Variants in PCDH15 observed in about 807,000 individuals in gnomAD.
PCDH15 encodes the protein protocadherin related 15, also known as protocadherin-15.
A neutral mutation model predicts 178.5 loss-of-function variants in PCDH15; 129 were observed. The ratio of observed to expected loss-of-function variants is 0.72; its 90% confidence interval spans 0.63 to 0.84. The LOEUF is 0.84. Among genes scored for constraint, PCDH15 ranks in the 40% least tolerant of loss-of-function variants. The pLI, the probability that PCDH15 is intolerant of heterozygous loss-of-function variation, is 0.00. For synonymous variants in PCDH15, 800 were observed against 732.0 expected (o/e 1.09, Z -1.50); for missense variants, 2,230 against 2,099.9 (o/e 1.06, Z -1.21).
rs11003877 is a variant in PCDH15 at position 53,834,963 on chromosome 10, G to A, written c.3984-3430C>T. Among the ~76,000 whole-genome samples the A allele has an allele frequency of 3.5e-3, 533 of 152,248 alleles. 3 individuals are homozygous for A. Among genetic ancestry groups the A allele is most frequent in the Non-Finnish European group, 6.4e-3 (434 of 68,002 alleles). Reference sequence around the variant, plus strand: ...TCCTTTGTAGGTACACAATTTAGGCGTACAGAGTGGGCAGTGGTTAACATA... The same window carrying A: ...TCCTTTGTAGGTACACAATTTAGGCATACAGAGTGGGCAGTGGTTAACATA... On this transcript the variant is annotated intron_variant, in intron 29 of 37. Coordinates refer to ENST00000644397, the MANE Select transcript of PCDH15 (RefSeq NM_001384140.1).
intron 37 of PCDH15, chr10:53,809,411 G>A (rs2075784478): frequency 6.2e-7 from 1 of 1,613,744 alleles, no homozygotes; most frequent in Admixed American, 1.7e-5. Flanking sequence ...AAAATCATGG[G>A]GAATATTCTG....
chr10:55,077,807 A>G lies in PCDH15; in HGVS notation c.-80+88769T>C, dbSNP rs544422134. ...GGTGATCCACCTGGCTTGGCCTCTC[A>G]AAGTGCTAGGATTACAGGCGTGAGC... On this transcript the variant is annotated intron_variant, in intron 2 of 5. Transcript: ENST00000458638. 2.5e-4 allele frequency among the ~76,000 whole-genome samples: 38 copies of G among 152,246 alleles called. No homozygotes were observed. In the East Asian group the frequency reaches 5.6e-3, roughly 22 times the overall value.
intron 2 of PCDH15, among the ~76,000 whole-genome samples, chr10:54,946,101 T>A (rs1273891621): frequency 6.6e-6 from 1 of 151,838 alleles, no homozygotes; most frequent in Non-Finnish European, 1.5e-5. Flanking sequence ...ACTATTTTGG[T>A]CAGATTAGAA....
intron 1 of PCDH15, among the ~76,000 whole-genome samples, chr10:54,698,186 C>T (rs112245544): frequency 0.019 from 2,951 of 152,184 alleles, 87 homozygotes; most frequent in African/African-American, 0.065. Context: ...AAATCACAGG[C>T]AAATTGCTTT....
intron 25 of PCDH15, among the ~76,000 whole-genome samples, chr10:53,927,005 AAAT>A (rs1462945930): frequency 6.6e-6 from 1 of 152,214 alleles, no homozygotes; most frequent in South Asian, 2.1e-4. Flanking sequence ...TGTAGCACAA[AAAT>A]AATGTTTCAG....
chr10:54,152,301 A>G (rs924650109), intron 14 of PCDH15, among the ~76,000 whole-genome samples: 1 of 152,190 alleles, frequency 6.6e-6, no homozygotes, highest in Non-Finnish European at 1.5e-5. Flanking sequence ...GTTGAGTGTT[A>G]AATATTTCTC....
At chr10:55,431,968 G>A (rs1471007933) in intron 2 of PCDH15, among the ~76,000 whole-genome samples, 1 of 152,008 alleles carries the variant, frequency 6.6e-6, no homozygotes, top group African/African-American at 2.4e-5. Context: ...TAGGGAGATT[G>A]TAGTAAATAA....
intron 2 of PCDH15, among the ~76,000 whole-genome samples, chr10:55,504,783 C>T (rs1357271348): frequency 1.3e-5 from 2 of 151,212 alleles, no homozygotes; most frequent in African/African-American, 4.8e-5. Flanking sequence ...CATAATTCAA[C>T]AAATATTTTC....
rs1361596505 is a variant in PCDH15 at position 54,183,456 on chromosome 10, G to C, written c.1578C>G (p.Asp526Glu). Residue 526 changes from aspartate (D) to glutamate (E), a missense_variant, in exon 13 of 38, where the codon GAC becomes GAG. Asp to Glu is a conservative substitution (Grantham distance 45, BLOSUM62 2). Transcript: ENST00000644397. ...TGTGAGTAGTTACCTGTATGACACT[G>C]TCCCCAGGTCTCATGTCTGTATAAA... ...VYVYTDMRPGDSVIQLTAVDA... is the reference protein window; with the variant it reads ...VYVYTDMRPGESVIQLTAVDA... 1 of 1,612,382 alleles carries C rather than the reference G, an allele frequency of 6.2e-7. No individual in the cohort carries two copies. Among genetic ancestry groups the C allele is most frequent in the Non-Finnish European group, 8.5e-7 (1 of 1,178,624 alleles).
chr10:53,826,636 A>G (rs1381547307), intron 32 of PCDH15, among the ~76,000 whole-genome samples: 1 of 152,122 alleles, frequency 6.6e-6, no homozygotes, highest in Admixed American at 6.5e-5. Flanking sequence ...ACATCACCAT[A>G]AGGAATCCAA....
chr10:54,569,491 A>G (rs780377307), intron 2 of PCDH15, among the ~76,000 whole-genome samples: 2 of 152,182 alleles, frequency 1.3e-5, no homozygotes, highest in South Asian at 4.1e-4. Context: ...AGTACACAAA[A>G]GTCATTACTA....
chr10:53,879,444 T>C (rs2080528252), intron 26 of PCDH15, among the ~76,000 whole-genome samples: 1 of 152,146 alleles, frequency 6.6e-6, no homozygotes, highest in African/African-American at 2.4e-5. Flanking sequence ...TTTGGATTAA[T>C]GAAGACTAAT....
At chr10:53,982,375 G>A (rs1353094679) in intron 21 of PCDH15, among the ~76,000 whole-genome samples, 2 of 152,080 alleles carry the variant, frequency 1.3e-5, no homozygotes, top group East Asian at 3.9e-4. Context: ...GCACACGTAT[G>A]TTTATTGCGG....
At chr10:55,169,026 T>C (rs1339264177) in intron 1 of PCDH15, among the ~76,000 whole-genome samples, 1 of 152,178 alleles carries the variant, frequency 6.6e-6, no homozygotes, top group Non-Finnish European at 1.5e-5. Context: ...ATTTCACTTA[T>C]TGTGAATCTT....
intron 2 of PCDH15, among the ~76,000 whole-genome samples, chr10:55,147,768 C>T (rs907036156): frequency 4.0e-5 from 6 of 151,536 alleles, no homozygotes; most frequent in African/African-American, 4.8e-5. Flanking sequence ...CCAATTAACT[C>T]GTTATTTAGC....
chr10:54,305,104 T>G (rs1181682751), intron 8 of PCDH15, among the ~76,000 whole-genome samples: 1 of 152,126 alleles, frequency 6.6e-6, no homozygotes. Flanking sequence ...TTTAAAGTGT[T>G]ATGTACATAA....
At chr10:54,257,756 T>C (rs1475916495) in intron 8 of PCDH15, among the ~76,000 whole-genome samples, 1 of 152,164 alleles carries the variant, frequency 6.6e-6, no homozygotes, top group Non-Finnish European at 1.5e-5. Flanking sequence ...CAGTGTGATG[T>C]CATACAGATA....
At chr10:55,462,823 G>A (rs1224768588) in intron 2 of PCDH15, among the ~76,000 whole-genome samples, 4 of 152,020 alleles carry the variant, frequency 2.6e-5, no homozygotes, top group African/African-American at 9.7e-5. Context: ...AAGGGTATAT[G>A]TTATACTAAA....
intron 1 of PCDH15, among the ~76,000 whole-genome samples, chr10:54,797,107 T>C (rs541669547): frequency 1.3e-5 from 2 of 152,058 alleles, no homozygotes; most frequent in South Asian, 2.1e-4. Flanking sequence ...CAGTGCTTAA[T>C]TCTATCGGAA....
Sources: gnomAD v4.1 joint callset for allele counts (sites outside exome capture counted in the v4.1 genomes callset) on GRCh38, gnomAD v4.1.1 for gene constraint, MANE v1.5 for transcripts, NCBI Gene and HGNC (gene_info 2026-07-23, HGNC 2026-07-21) for gene names.